The following GMCL1 variants were observed in gnomAD, a reference collection of about 807,000 sequenced individuals.
The protein encoded by GMCL1 is germ cell-less 1, spermatogenesis associated.
In GMCL1, 54 loss-of-function variants were observed where a neutral mutation model predicts 75.5. The ratio of observed to expected loss-of-function variants is 0.71; its 90% CI spans 0.57 to 0.90. The LOEUF (loss-of-function observed/expected upper bound fraction) is 0.90. Among genes scored for constraint, GMCL1 ranks in the 40% least tolerant of loss-of-function variants. The pLI is 0.00. For missense variants in GMCL1, 537 were observed against 622.7 expected, an observed-to-expected ratio of 0.86 and a Z score of 1.47; for synonymous variants, 210 against 209.6, an observed-to-expected ratio of 1.00 and a Z score of -0.02.
intron 6 of GMCL1, among the ~76,000 whole-genome samples, chr2:69,846,722 T>G (rs535981861): frequency 2.4e-4 from 37 of 152,356 alleles, no homozygotes; most frequent in Non-Finnish European, 3.8e-4. Context: ...AGCACGTTTC[T>G]TGATCTTATT....
rs771703908 is a variant in GMCL1 at position 69,849,623 on chromosome 2, G to A, written c.844-29G>A. 1.1e-5 allele frequency: 14 copies of A among 1,322,278 alleles called. No homozygotes were observed. The South Asian group carries it at 1.9e-4, about 18-fold the overall frequency. The allele number at this position is 1,322,278 out of a possible 1,614,324, so 81.9% of individuals were successfully genotyped here. Reference sequence around the variant, plus strand: ...CATAAAATGATGAAATTTCATAATTGTTTTCTTATTTAATTTTTTTTAACT... The same window carrying A: ...CATAAAATGATGAAATTTCATAATTATTTTCTTATTTAATTTTTTTTAACT... On this transcript the variant is annotated intron_variant, in intron 7 of 13. Coordinates refer to ENST00000282570, the MANE Select transcript of GMCL1 (RefSeq NM_178439.5).
intron 10 of GMCL1, among the ~76,000 whole-genome samples, chr2:69,861,705 A>G (rs2104016629): frequency 6.6e-6 from 1 of 152,308 alleles, no homozygotes; most frequent in African/African-American, 2.4e-5. Context: ...GTCTAGGTAA[A>G]TCTGTTTTTC....
At chr2:69,874,310 C>T (rs986276139) in intron 13 of GMCL1, among the ~76,000 whole-genome samples, 2 of 152,122 alleles carry the variant, frequency 1.3e-5, no homozygotes, top group Non-Finnish European at 2.9e-5. Flanking sequence ...TCTTTTTCAT[C>T]TCTATCCCAG....
At chr2:69,858,979 C>T (rs1476698073) in intron 9 of GMCL1, among the ~76,000 whole-genome samples, 1 of 151,662 alleles carries the variant, frequency 6.6e-6, no homozygotes, top group Admixed American at 6.6e-5. Flanking sequence ...AACTCCGTCT[C>T]TACTAAAATA....
Position 69,843,256 on chromosome 2 carries a change from G to C in GMCL1, c.687G>C (p.Lys229Asn). ...SAGTYGLDSV[K>N]KKCLEWLLNN... ...GGACCTATGGATTAGATTCTGTAAAGAAAAAGTGAGTTGCCTTTCTTGTTT... is the reference window on the plus strand; with the variant it reads ...GGACCTATGGATTAGATTCTGTAAACAAAAAGTGAGTTGCCTTTCTTGTTT... Residue 229 changes from lysine to asparagine, a missense_variant, in exon 5 of 14, where the codon AAG becomes AAC. Physicochemically the swap from Lys to Asn is moderately conservative, Grantham distance 94. Transcript: ENST00000282570. 6.5e-7 allele frequency: 1 copy of C among 1,544,142 alleles called. No homozygotes were observed. Among genetic ancestry groups the C allele is most frequent in the Non-Finnish European group, 8.9e-7 (1 of 1,119,330 alleles).
At chr2:69,874,680 T>C (rs1573376598) in intron 13 of GMCL1, among the ~76,000 whole-genome samples, 1 of 152,244 alleles carries the variant, frequency 6.6e-6, no homozygotes, top group East Asian at 1.9e-4. Flanking sequence ...TTCATTTTTT[T>C]CTTGCTAATT....
At chr2:69,851,334 A>G (rs752487355) in intron 8 of GMCL1, among the ~76,000 whole-genome samples, 1 of 151,998 alleles carries the variant, frequency 6.6e-6, no homozygotes, top group Non-Finnish European at 1.5e-5. Context: ...TACTCCCAGC[A>G]CTTTGGGAGG....
At chr2:69,835,804 C>T (rs1329565344) in intron 1 of GMCL1, among the ~76,000 whole-genome samples, 20 of 152,176 alleles carry the variant, frequency 1.3e-4, no homozygotes, top group Admixed American at 1.3e-3. Flanking sequence ...TCTGAGTTGG[C>T]TGTGGTGCTC....
At chr2:69,867,094 A>G (rs1202842535) in intron 11 of GMCL1, among the ~76,000 whole-genome samples, 1 of 151,450 alleles carries the variant, frequency 6.6e-6, no homozygotes, top group Non-Finnish European at 1.5e-5. Context: ...ACAAGAATGC[A>G]CCACCACGCC....
chr2:69,838,632 C>A (rs1016264043), intron 2 of GMCL1, among the ~76,000 whole-genome samples: 3 of 152,104 alleles, frequency 2.0e-5, no homozygotes, highest in Non-Finnish European at 4.4e-5. Context: ...GTTTTTGAAA[C>A]AAATTTATTT....
rs2104091779 is a variant in GMCL1 at position 69,881,245 on chromosome 2, G to C, written c.*2241G>C. On this transcript the variant is annotated 3_prime_UTR_variant, in exon 14 of 14. Transcript: ENST00000282570. ...GTTCTTATTTGAGAAGTTGATAATT[G>C]TCAGGTAGTAATTCACACTGGTAGT... 6.6e-6 allele frequency: 1 copy of C among 152,284 alleles called. No homozygotes were observed. Among genetic ancestry groups the C allele is most frequent in the South Asian group, 2.1e-4 (1 of 4,830 alleles). The allele number at this position is 152,284 out of a possible 1,614,324, so 9.4% of individuals were successfully genotyped here. A position where few individuals can be genotyped will look rare whatever the true frequency, so the allele number is the denominator to read the frequency against.
chr2:69,867,928 G>GCT (rs1267009818), intron 11 of GMCL1, among the ~76,000 whole-genome samples: 1 of 152,178 alleles, frequency 6.6e-6, no homozygotes, highest in Non-Finnish European at 1.5e-5. Context: ...TGATGGCCTT[G>GCT]CTGCCTACTG....
chr2:69,840,254 C>T (rs1674943489), intron 3 of GMCL1: 1 of 152,022 alleles, frequency 6.6e-6, no homozygotes, highest in Non-Finnish European at 1.5e-5. Context: ...TAAAAAAATA[C>T]AAAAAATTAG....
intron 8 of GMCL1, among the ~76,000 whole-genome samples, chr2:69,853,383 AG>A (rs1054947010): frequency 6.6e-6 from 1 of 152,196 alleles, no homozygotes; most frequent in African/African-American, 2.4e-5. Context: ...GCAGGTGCCA[AG>A]GGAATACAAA....
At chr2:69,857,329 C>G (rs1387109135) in intron 9 of GMCL1, among the ~76,000 whole-genome samples, 2 of 152,344 alleles carry the variant, frequency 1.3e-5, no homozygotes, top group East Asian at 3.9e-4. Flanking sequence ...ATACCCTCTA[C>G]TTTGTGCTGA....
chr2:69,856,750 G>A (rs567647233), intron 9 of GMCL1, among the ~76,000 whole-genome samples: 108 of 143,794 alleles, frequency 7.5e-4, no homozygotes, highest in African/African-American at 2.3e-3. Context: ...GGAGACCACC[G>A]TCCTAGCCCC....
intron 3 of GMCL1, 102 bp downstream of exon 3, chr2:69,839,655 ACTC>A: frequency 1.4e-6 from 1 of 711,940 alleles, no homozygotes; most frequent in Non-Finnish European, 2.4e-6. Flanking sequence ...AGTCTAGAAA[ACTC>A]CTTTTATCAC....
rs767781812 is a variant in GMCL1 at position 69,854,899 on chromosome 2, A to G, written c.1011A>G (p.Gln337=). The G allele has an allele frequency of 1.9e-6, 3 of 1,611,186 alleles. No homozygotes were observed. The highest frequency in any genetic ancestry group is 1.7e-4 in the Middle Eastern group (1 of 5,992). ...CAGTATTCAGACATTTAAGGTTACA[A>G]TATATTATCAGTGATCTGGCTTCTG... ...FVSVFRHLRL[Q]YIISDLASAR... Residue 337 remains glutamine, a synonymous_variant, in exon 9 of 14, where the codon CAA becomes CAG. Coordinates refer to ENST00000282570, the MANE Select transcript of GMCL1 (RefSeq NM_178439.5).
In GMCL1 at chr2:69,871,755, G is replaced by T. The variant is rs752897004; in HGVS notation, c.1375G>T (p.Ala459Ser). The change falls in exon 13 of 14, where the codon GCT becomes TCT. Residue 459 changes from alanine to serine, a missense_variant. By Grantham distance (99) the Ala-to-Ser change is moderately conservative (BLOSUM62 1). Coordinates refer to ENST00000282570, the MANE Select transcript of GMCL1 (RefSeq NM_178439.5). ...RRSIAFRLRL[A>S]SFDSSGKLIC... ...TTTTTTTAATCCTAGATTACGTTTG[G>T]CTTCTTTTGATAGTAGTGGAAAACT... 3.2e-6 allele frequency: 5 copies of T among 1,543,720 alleles called. No homozygotes were observed. Among genetic ancestry groups the T allele is most frequent in the Non-Finnish European group, 4.4e-6 (5 of 1,134,722 alleles).
Sources: gnomAD v4.1 joint callset for allele counts (sites outside exome capture counted in the v4.1 genomes callset) on GRCh38, gnomAD v4.1.1 for gene constraint, MANE v1.5 for transcripts, NCBI Gene and HGNC (gene_info 2026-07-23, HGNC 2026-07-21) for gene names.